Variants in ADAM10 observed in about 807,000 individuals in gnomAD.
The protein encoded by ADAM10 is disintegrin and metalloproteinase domain-containing protein 10.
In ADAM10, 17 loss-of-function variants were observed where a neutral mutation model predicts 90.1. The ratio of observed to expected loss-of-function variants is 0.19; its 90% CI spans 0.13 to 0.28. The LOEUF is 0.28. Among genes scored for constraint, ADAM10 ranks in the 10% least tolerant of loss-of-function variants. ADAM10 has a pLI of 1.00. For synonymous variants in ADAM10, 310 were observed against 298.6 expected (o/e 1.04, Z -0.40); for missense variants, 610 against 914.3 (o/e 0.67, Z 4.29).
At chr15:58,693,199 T>G (rs181700052) in intron 2 of ADAM10, 4 of 688,532 alleles carry the variant, frequency 5.8e-6, no homozygotes, top group Admixed American at 3.7e-5. Flanking sequence ...TGCAGGCATC[T>G]TGAAAGGAAA....
intron 1 of ADAM10, among the ~76,000 whole-genome samples, chr15:58,718,894 C>T (rs2414606): frequency 0.17 from 25,711 of 152,128 alleles, 2,425 homozygotes; most frequent in East Asian, 0.44. Context: ...AGGAAGTTCC[C>T]TGGACTCTAC....
Position 58,597,562 on chromosome 15 carries a change from T to C in ADAM10, c.2232A>G (p.Gly744=), listed in dbSNP as rs370762789. The C allele has an allele frequency of 2.5e-6, 4 of 1,613,998 alleles. No individual in the cohort carries two copies. The highest frequency in any genetic ancestry group is 2.7e-5 in the African/African-American group (2 of 74,904). ...AAAGCTGCAGTTAGCGTCTCATGTG[T>C]CCCATTTGATAACTCTCTCGGGGCC... ...RQRPRESYQM[G]HMRR The change falls in exon 16 of 16, where the codon GGA becomes GGG. Residue 744 remains glycine, a synonymous_variant. Coordinates refer to ENST00000260408, the MANE Select transcript of ADAM10 (RefSeq NM_001110.4).
chr15:58,689,209 G>T lies in ADAM10; in HGVS notation c.207-6895C>A, dbSNP rs117051804. 6.8e-3 allele frequency among the ~76,000 whole-genome samples: 1,029 copies of T among 152,266 alleles called. 36 individuals are homozygous for T. In the East Asian group the frequency reaches 0.083, roughly 12 times the overall value. ...CATTAGAAATAATGCAAGCAGGCCG[G>T]GCGTGGTGGCTCACGCCTGTAATCC... is the stretch of plus-strand genomic sequence containing the variant. On this transcript the variant is annotated intron_variant, in intron 2 of 15. Coordinates refer to ENST00000260408, the MANE Select transcript of ADAM10 (RefSeq NM_001110.4).
At chr15:58,686,998 GTTTA>G (rs1252097990) in intron 2 of ADAM10, among the ~76,000 whole-genome samples, 3 of 152,132 alleles carry the variant, frequency 2.0e-5, no homozygotes, top group Non-Finnish European at 4.4e-5. Flanking sequence ...AAATAGTTTT[GTTTA>G]TTTAAACAAT....
Position 58,597,401 on chromosome 15 carries a change from C to T in ADAM10, c.*146G>A. The T allele has an allele frequency of 6.4e-7, 1 of 1,552,738 alleles. No individual in the cohort carries two copies. Among genetic ancestry groups the T allele is most frequent in the Non-Finnish European group, 8.7e-7 (1 of 1,147,496 alleles). On this transcript the variant is annotated 3_prime_UTR_variant, in exon 16 of 16. Transcript: ENST00000260408. ...GGCTTTAAAATTTAAGTAATTCCAC[C>T]TGGTCTGAGGATATGATCTCTTGCC...
intron 5 of ADAM10, among the ~76,000 whole-genome samples, chr15:58,656,257 T>A (rs564151160): frequency 6.6e-6 from 1 of 152,312 alleles, no homozygotes; most frequent in East Asian, 1.9e-4. Flanking sequence ...CGGGGTTTTT[T>A]AATCCATTTA....
intron 8 of ADAM10, among the ~76,000 whole-genome samples, chr15:58,640,458 A>AT (rs1303321492): frequency 6.6e-6 from 1 of 152,164 alleles, no homozygotes; most frequent in Non-Finnish European, 1.5e-5. Context: ...AATATATAAC[A>AT]TTTATTAACT....
intron 1 of ADAM10, among the ~76,000 whole-genome samples, chr15:58,739,700 A>C (rs975360799): frequency 6.6e-6 from 1 of 152,220 alleles, no homozygotes; most frequent in African/African-American, 2.4e-5. Context: ...TAACCTTTAT[A>C]ATACACATTT....
chr15:58,662,791 A>G (rs1438238192), intron 5 of ADAM10, among the ~76,000 whole-genome samples: 1 of 152,178 alleles, frequency 6.6e-6, no homozygotes, highest in Non-Finnish European at 1.5e-5. Flanking sequence ...ACCTGTGCAG[A>G]TATCTGGAGC....
intron 9 of ADAM10, among the ~76,000 whole-genome samples, chr15:58,631,929 G>C (rs551386085): frequency 4.0e-4 from 61 of 152,306 alleles, no homozygotes; most frequent in African/African-American, 1.5e-3. Flanking sequence ...GAAGAAGAAA[G>C]ACTTGCAACT....
intron 1 of ADAM10, among the ~76,000 whole-genome samples, chr15:58,724,022 G>A (rs1331337323): frequency 3.9e-5 from 6 of 151,966 alleles, no homozygotes; most frequent in African/African-American, 1.5e-4. Context: ...CCCAAGGTCA[G>A]GAGTTCAAGA....
chr15:58,703,291 CAAAA>C (rs542156053), intron 2 of ADAM10, among the ~76,000 whole-genome samples: 1 of 76,392 alleles, frequency 1.3e-5, no homozygotes, highest in Non-Finnish European at 2.8e-5. Context: ...GGTATTCCCT[CAAAA>C]AAAAAAAAAA....
At position 58,621,638 on chromosome 15, in the gene ADAM10, A is replaced by C; in HGVS notation, c.1361-17T>G. Reference sequence around the variant, plus strand: ...GGCCAGATTCTGAGGAAAATAAACAAGACAAAGTAAGCATTGTGTGCACAC... The same window carrying C: ...GGCCAGATTCTGAGGAAAATAAACACGACAAAGTAAGCATTGTGTGCACAC... On this transcript the variant is annotated splice_polypyrimidine_tract_variant and intron_variant, in intron 10 of 15. Coordinates refer to ENST00000260408, the MANE Select transcript of ADAM10 (RefSeq NM_001110.4). The C allele has an allele frequency of 6.2e-7, 1 of 1,613,450 alleles. No individual in the cohort carries two copies. The highest frequency in any genetic ancestry group is 8.5e-7 in the Non-Finnish European group (1 of 1,179,914).
At chr15:58,707,762 T>C (rs945301761) in intron 2 of ADAM10, among the ~76,000 whole-genome samples, 2 of 152,198 alleles carry the variant, frequency 1.3e-5, no homozygotes, top group African/African-American at 2.4e-5. Flanking sequence ...ATTAAATAAT[T>C]GGCAAGTAAA....
rs1175998760 is a variant in ADAM10, at chr15:58,593,095, T to C, written c.*4452A>G. The C allele has an allele frequency of 6.8e-6, 1 of 146,656 alleles. No homozygotes were observed. The highest frequency in any genetic ancestry group is 1.5e-5 in the Non-Finnish European group (1 of 66,862). The allele number at this position is 146,656 out of a possible 1,614,324, so 9.1% of individuals were successfully genotyped here. On this transcript the variant is annotated 3_prime_UTR_variant, in exon 16 of 16. Coordinates refer to ENST00000260408, the MANE Select transcript of ADAM10 (RefSeq NM_001110.4). ...GAAAGGTGGGTTACAAAAGTGTGCA[T>C]ATTATGTTTTTGTCACACACATAGA...
At chr15:58,661,818 C>G (rs1484308734) in intron 5 of ADAM10, among the ~76,000 whole-genome samples, 1 of 152,086 alleles carries the variant, frequency 6.6e-6, no homozygotes, top group African/African-American at 2.4e-5. Flanking sequence ...TTCCTTTACT[C>G]AAGTATATTC....
intron 1 of ADAM10, among the ~76,000 whole-genome samples, chr15:58,740,230 T>C (rs571659506): frequency 6.6e-6 from 1 of 152,038 alleles, no homozygotes; most frequent in Non-Finnish European, 1.5e-5. Flanking sequence ...GCCAACATGG[T>C]GAAACCCCGT....
At chr15:58,642,027 G>C (rs536091337) in intron 7 of ADAM10, among the ~76,000 whole-genome samples, 1 of 152,090 alleles carries the variant, frequency 6.6e-6, no homozygotes, top group Non-Finnish European at 1.5e-5. Flanking sequence ...AATCAGTTAC[G>C]GCCATTTAAC....
intron 2 of ADAM10, among the ~76,000 whole-genome samples, chr15:58,694,059 G>C (rs1219852072): frequency 6.6e-6 from 1 of 152,124 alleles, no homozygotes; most frequent in African/African-American, 2.4e-5. Context: ...AATATTAGTA[G>C]GGTGTTGAGT....
Sources: allele counts gnomAD v4.1 joint callset (sites outside exome capture counted in the v4.1 genomes callset), GRCh38; gene constraint gnomAD v4.1.1; transcripts MANE v1.5; gene names NCBI Gene and HGNC (gene_info 2026-07-23, HGNC 2026-07-21).